Variants in NOX4 observed in about 807,000 individuals in gnomAD.
NOX4 encodes NADPH oxidase 4, also known as kidney oxidase-1.
NOX4 carries 69 observed loss-of-function variants against 87.6 expected under a neutral mutation model. The ratio of observed to expected loss-of-function variants is 0.79; its 90% CI spans 0.65 to 0.96. The LOEUF is 0.96. Among genes scored for constraint, NOX4 ranks in the 40% least tolerant of loss-of-function variants. The pLI is 0.00. For synonymous variants in NOX4, 275 were observed against 238.2 expected (o/e 1.15, Z -1.42); for missense variants, 680 against 681.5 (o/e 1.00, Z 0.02).
chr11:89,388,128 T>C (rs1190034214), intron 11 of NOX4, among the ~76,000 whole-genome samples: 1 of 152,214 alleles, frequency 6.6e-6, no homozygotes, highest in African/African-American at 2.4e-5. Flanking sequence ...AGAGTTTATA[T>C]GTACCTCAAA....
Position 89,333,888 on chromosome 11 carries a change from C to A in NOX4, c.1616+1957G>T, listed in dbSNP as rs1306326572. ...AAAGTCAAAGTGTTGTACAAAATGT[C>A]AACAGCAGATGGTGCACATTTGCTC... On this transcript the variant is annotated intron_variant, in intron 17 of 17. Coordinates refer to ENST00000263317, the MANE Select transcript of NOX4 (RefSeq NM_016931.5). 3.3e-5 allele frequency among the ~76,000 whole-genome samples: 5 copies of A among 151,852 alleles called. No homozygotes were observed. In the South Asian group the frequency reaches 8.3e-4, roughly 25 times the overall value.
intron 2 of NOX4, among the ~76,000 whole-genome samples, chr11:89,464,815 A>G (rs1945606910): frequency 6.6e-6 from 1 of 152,244 alleles, no homozygotes; most frequent in East Asian, 1.9e-4. Flanking sequence ...AAGTATAAAC[A>G]AAACAAAGAT....
At chr11:89,353,943 G>A (rs189111538) in intron 13 of NOX4, among the ~76,000 whole-genome samples, 16 of 152,260 alleles carry the variant, frequency 1.1e-4, no homozygotes, top group African/African-American at 3.4e-4. Context: ...CAAGTTTATT[G>A]CTAAAAATTA....
the NOX4 span, among the ~76,000 whole-genome samples, chr11:89,556,534 G>T: frequency 1.5e-4 from 23 of 151,678 alleles, no homozygotes; most frequent in South Asian, 4.6e-3. Context: ...GGGAAGGGAG[G>T]GGAAGGGAGG....
chr11:89,368,965 T>C (rs1939229917), intron 12 of NOX4, among the ~76,000 whole-genome samples: 1 of 152,126 alleles, frequency 6.6e-6, no homozygotes, highest in Non-Finnish European at 1.5e-5. Flanking sequence ...AAATACTCTC[T>C]TACTTTTATT....
At chr11:89,332,080 A>G (rs1045974812) in intron 17 of NOX4, among the ~76,000 whole-genome samples, 6 of 151,888 alleles carry the variant, frequency 4.0e-5, no homozygotes, top group Non-Finnish European at 8.8e-5. Context: ...GGGGGTAGAC[A>G]TTAGAAACTA....
the NOX4 span, among the ~76,000 whole-genome samples, chr11:89,544,019 T>C: frequency 1.4e-4 from 21 of 152,206 alleles, no homozygotes; most frequent in African/African-American, 5.1e-4. Context: ...TTTGTAACTA[T>C]ATAAATATAT....
intron 2 of NOX4, among the ~76,000 whole-genome samples, chr11:89,482,722 T>A (rs1044304279): frequency 6.6e-6 from 1 of 152,094 alleles, no homozygotes; most frequent in Non-Finnish European, 1.5e-5. Flanking sequence ...TATATAAGAA[T>A]AATGCATATA....
At chr11:89,464,467 C>T (rs1053584714) in intron 2 of NOX4, among the ~76,000 whole-genome samples, 2 of 152,064 alleles carry the variant, frequency 1.3e-5, no homozygotes, top group African/African-American at 4.8e-5. Context: ...TATAAGAAAA[C>T]ATTTTATCTA....
At chr11:89,360,350 AC>A (rs1938425075) in intron 12 of NOX4, among the ~76,000 whole-genome samples, 1 of 152,118 alleles carries the variant, frequency 6.6e-6, no homozygotes, top group South Asian at 2.1e-4. Context: ...TATTCTTACC[AC>A]ACACAACAAA....
chr11:89,328,001 C>G (rs1474858965), intron 17 of NOX4, among the ~76,000 whole-genome samples: 1 of 152,202 alleles, frequency 6.6e-6, no homozygotes, highest in Non-Finnish European at 1.5e-5. Context: ...CACCGTCACT[C>G]TCTTTGCTTA....
At chr11:89,446,675 G>A (rs1325452707) in intron 4 of NOX4, among the ~76,000 whole-genome samples, 3 of 152,118 alleles carry the variant, frequency 2.0e-5, no homozygotes, top group Non-Finnish European at 4.4e-5. Flanking sequence ...GCAGAATTAT[G>A]GAGACTGTAA....
At chr11:89,479,519 A>C (rs1946305302) in intron 2 of NOX4, among the ~76,000 whole-genome samples, 1 of 152,288 alleles carries the variant, frequency 6.6e-6, no homozygotes. Context: ...AAATTATTAT[A>C]CTTTGGTTAT....
the NOX4 span, among the ~76,000 whole-genome samples, chr11:89,569,550 G>A: frequency 6.6e-6 from 1 of 152,090 alleles, no homozygotes; most frequent in Non-Finnish European, 1.5e-5. Context: ...AAAAGTTGAT[G>A]CTGATGAGAT....
the NOX4 span, among the ~76,000 whole-genome samples, chr11:89,525,467 C>T: frequency 1.3e-5 from 2 of 151,974 alleles, no homozygotes; most frequent in African/African-American, 4.8e-5. Context: ...ATCTCATTTG[C>T]ATTTCACTGA....
intron 2 of NOX4, among the ~76,000 whole-genome samples, chr11:89,472,805 G>A (rs538597955): frequency 6.6e-6 from 1 of 152,142 alleles, no homozygotes; most frequent in African/African-American, 2.4e-5. Flanking sequence ...AGTTGCATAT[G>A]AACACAGCCA....
At chr11:89,375,149 A>T (rs1939741790) in intron 11 of NOX4, among the ~76,000 whole-genome samples, 1 of 152,224 alleles carries the variant, frequency 6.6e-6, no homozygotes, top group Admixed American at 6.5e-5. Flanking sequence ...ACTACTTTAC[A>T]ATCAGTGTTT....
the NOX4 span, among the ~76,000 whole-genome samples, chr11:89,533,397 G>T: frequency 3.3e-5 from 5 of 150,976 alleles, no homozygotes; most frequent in Non-Finnish European, 5.9e-5. Flanking sequence ...ACAGTCTAGT[G>T]GGAGAAATCT....
intron 7 of NOX4, among the ~76,000 whole-genome samples, chr11:89,429,414 T>A (rs1041431120): frequency 6.6e-6 from 1 of 152,086 alleles, no homozygotes; most frequent in African/African-American, 2.4e-5. Flanking sequence ...AATCAATGAA[T>A]GCAGAAGCTG....
Sources: gnomAD v4.1 joint callset for allele counts (sites outside exome capture counted in the v4.1 genomes callset) on GRCh38, gnomAD v4.1.1 for gene constraint, MANE v1.5 for transcripts, NCBI Gene and HGNC (gene_info 2026-07-23, HGNC 2026-07-21) for gene names.